The following CSMD3 variants were observed in gnomAD, a reference collection of about 807,000 sequenced individuals.
CSMD3 encodes CUB and sushi domain-containing protein 3.
A neutral mutation model predicts 435.2 loss-of-function variants in CSMD3; 177 were observed. That is an observed-to-expected ratio of 0.41 (90% CI 0.36 to 0.46). CSMD3 has a LOEUF of 0.46. CSMD3 is among the 20% of genes least tolerant of loss of function. The pLI is 0.34. For missense variants in CSMD3, 4,265 were observed against 4,504.6 expected, an observed-to-expected ratio of 0.95 and a Z score of 1.52; for synonymous variants, 1,656 against 1,520.5, an observed-to-expected ratio of 1.09 and a Z score of -2.07.
intron 27 of CSMD3, among the ~76,000 whole-genome samples, chr8:112,526,395 GTCTC>G (rs1362100914): frequency 1.3e-5 from 2 of 149,918 alleles, no homozygotes; most frequent in Admixed American, 6.7e-5. Context: ...GCTTTACTTT[GTCTC>G]TCTCTCTCTC....
At chr8:112,263,869 G>T (rs1005682121) in intron 60 of CSMD3, 57 bp from the exon 61 acceptor site, 8 of 1,448,170 alleles carry the variant, frequency 5.5e-6, no homozygotes, top group African/African-American at 2.8e-5. Flanking sequence ...GAGCCTTAAA[G>T]ATATAAATAA....
At chr8:112,498,427 G>T (rs1563621096) in intron 30 of CSMD3, among the ~76,000 whole-genome samples, 1 of 152,170 alleles carries the variant, frequency 6.6e-6, no homozygotes, top group African/African-American at 2.4e-5. Flanking sequence ...AATAGGGAGG[G>T]ACATATATTC....
At chr8:112,648,367 T>C (rs994854875) in intron 19 of CSMD3, among the ~76,000 whole-genome samples, 2 of 152,166 alleles carry the variant, frequency 1.3e-5, no homozygotes, top group Admixed American at 6.5e-5. Context: ...GCACTCAACA[T>C]GAAATAGAAA....
chr8:113,204,763 T>G (rs1234770328), intron 3 of CSMD3, among the ~76,000 whole-genome samples: 3 of 152,190 alleles, frequency 2.0e-5, no homozygotes, highest in Non-Finnish European at 4.4e-5. Flanking sequence ...TACCATCATC[T>G]GCAGTATTCA....
chr8:113,351,368 A>T (rs1327813340), intron 1 of CSMD3, among the ~76,000 whole-genome samples: 1 of 152,180 alleles, frequency 6.6e-6, no homozygotes, highest in Non-Finnish European at 1.5e-5. Context: ...CAAAGCGATT[A>T]CAAATATGTA....
chr8:113,092,359 C>T (rs1217974773), intron 5 of CSMD3, among the ~76,000 whole-genome samples: 1 of 152,006 alleles, frequency 6.6e-6, no homozygotes, highest in Non-Finnish European at 1.5e-5. Context: ...TCATTATACA[C>T]ATTTTTCCTA....
intron 13 of CSMD3, among the ~76,000 whole-genome samples, chr8:112,716,036 C>T (rs1461759938): frequency 6.6e-6 from 1 of 152,058 alleles, no homozygotes; most frequent in Non-Finnish European, 1.5e-5. Flanking sequence ...GCACTGTCTT[C>T]CCACTCTTAT....
chr8:112,518,322 G>A (rs939159213), intron 27 of CSMD3, among the ~76,000 whole-genome samples: 1 of 151,560 alleles, frequency 6.6e-6, no homozygotes, highest in Non-Finnish European at 1.5e-5. Flanking sequence ...GCAACTAAGT[G>A]AGACTCTGTC....
At chr8:112,345,022 T>A (rs1825528082) in intron 41 of CSMD3, among the ~76,000 whole-genome samples, 1 of 152,132 alleles carries the variant, frequency 6.6e-6, no homozygotes, top group Non-Finnish European at 1.5e-5. Context: ...TTATTATACA[T>A]ATCTAATTCA....
chr8:112,567,037 C>A (rs1285850765), intron 24 of CSMD3, among the ~76,000 whole-genome samples: 3 of 152,130 alleles, frequency 2.0e-5, no homozygotes. Context: ...CCTAAACCCA[C>A]TTCTTGTGTC....
chr8:113,358,519 A>G (rs1478928309), intron 1 of CSMD3, among the ~76,000 whole-genome samples: 1 of 152,150 alleles, frequency 6.6e-6, no homozygotes, highest in Non-Finnish European at 1.5e-5. Context: ...CGCTTAGCTA[A>G]TTTTTGTATA....
Position 112,281,302 on chromosome 8 carries a change from C to A in CSMD3, c.9380G>T (p.Arg3127Leu), listed in dbSNP as rs752773200. ...PGTTANGKVF[R>L]IDGTTFSSSV... Reference sequence around the variant, plus strand: ...ACTAGAAAATGTTGTGCCATCAATTCGGAAGACTTTCCCATTGGCTGTGGT... The same window carrying A: ...ACTAGAAAATGTTGTGCCATCAATTAGGAAGACTTTCCCATTGGCTGTGGT... Residue 3127 changes from arginine to leucine, a missense_variant, in exon 59 of 71, where the codon CGA becomes CTA. Physicochemically the swap from Arg to Leu is moderately radical, Grantham distance 102. Around this residue, in one of 3 missense-constraint regions of CSMD3, gnomAD observed 3,255 missense variants for 3,380.2 expected, o/e 0.96. Transcript: ENST00000297405. 5.0e-6 allele frequency: 8 copies of A among 1,613,448 alleles called. No homozygotes were observed. The highest frequency in any genetic ancestry group is 5.9e-6 in the Non-Finnish European group (7 of 1,179,588).
chr8:113,101,050 C>T (rs2090315522), intron 4 of CSMD3, among the ~76,000 whole-genome samples: 1 of 152,062 alleles, frequency 6.6e-6, no homozygotes, highest in Admixed American at 6.6e-5. Flanking sequence ...GATCTGAATC[C>T]TCTTATTTTC....
chr8:112,768,752 T>A (rs748582276), intron 13 of CSMD3, among the ~76,000 whole-genome samples: 2 of 151,956 alleles, frequency 1.3e-5, no homozygotes, highest in African/African-American at 2.4e-5. Flanking sequence ...CTTTGCCCCA[T>A]GTTTCCCTCC....
At chr8:113,237,592 C>T (rs1301314303) in intron 3 of CSMD3, among the ~76,000 whole-genome samples, 1 of 152,136 alleles carries the variant, frequency 6.6e-6, no homozygotes, top group Non-Finnish European at 1.5e-5. Context: ...GTGGTACAGG[C>T]ATGATCAGCA....
At chr8:112,837,096 G>C (rs1229102899) in intron 11 of CSMD3, among the ~76,000 whole-genome samples, 1 of 151,684 alleles carries the variant, frequency 6.6e-6, no homozygotes, top group Non-Finnish European at 1.5e-5. Flanking sequence ...GTATTAAATA[G>C]TGATGGCAGG....
chr8:112,473,325 G>T (rs138079377), intron 31 of CSMD3, among the ~76,000 whole-genome samples: 2 of 152,136 alleles, frequency 1.3e-5, no homozygotes, highest in African/African-American at 2.4e-5. Context: ...TGGGGGTCCT[G>T]TTATTCACAA....
chr8:113,334,045 A>C (rs2094049088), intron 1 of CSMD3, among the ~76,000 whole-genome samples: 1 of 151,854 alleles, frequency 6.6e-6, no homozygotes, highest in Non-Finnish European at 1.5e-5. Flanking sequence ...GTAAATGATA[A>C]TTTAGATGTC....
At chr8:113,073,285 CT>C (rs1021131142) in intron 5 of CSMD3, among the ~76,000 whole-genome samples, 2 of 151,584 alleles carry the variant, frequency 1.3e-5, no homozygotes, top group East Asian at 3.9e-4. Flanking sequence ...AATACAGTGA[CT>C]TTTTTTTCCG....
Sources: allele counts gnomAD v4.1 joint callset (sites outside exome capture counted in the v4.1 genomes callset), GRCh38; gene constraint gnomAD v4.1.1; regional missense constraint gnomAD v4.1.1; transcripts MANE v1.5; gene names NCBI Gene and HGNC (gene_info 2026-07-23, HGNC 2026-07-21).